ERG28: variants seen among roughly 807,000 people sequenced by gnomAD.
The protein encoded by ERG28 is ergosterol biosynthesis 28 homolog, also known as ergosterol biosynthetic protein 28 homolog.
Under a neutral mutation model 15.7 loss-of-function variants are expected in ERG28, and 9 were observed. That is an observed-to-expected ratio of 0.57 (90% CI 0.35 to 1.00). The LOEUF (loss-of-function observed/expected upper bound fraction) is 1.00, where lower values mean the gene tolerates loss of function less well. Ranked by LOEUF, ERG28 falls within the 50% of genes least tolerant of loss-of-function variation. ERG28 has a pLI of 0.02. For missense variants in ERG28, 117 were observed against 173.3 expected (o/e 0.68, Z 1.82); for synonymous variants, 61 against 68.4 (o/e 0.89, Z 0.53).
At chr14:75,652,817 C>CTTTTTTTTTTTTT (rs59570063) in intron 3 of ERG28, among the ~76,000 whole-genome samples, 3 of 96,210 alleles carry the variant, frequency 3.1e-5, no homozygotes, top group Admixed American at 1.3e-4. Flanking sequence ...ATTTTTACAC[C>CTTTTTTTTTTTTT]TTTTTTTTTT....
At chr14:75,656,424 T>C (rs1406075617) in intron 2 of ERG28, among the ~76,000 whole-genome samples, 2 of 152,088 alleles carry the variant, frequency 1.3e-5, no homozygotes, top group Non-Finnish European at 2.9e-5. Context: ...CCTCTAAAAA[T>C]GTGTGAATCT....
chr14:75,654,253 T>C (rs533228361), intron 3 of ERG28, among the ~76,000 whole-genome samples: 1 of 152,352 alleles, frequency 6.6e-6, no homozygotes, highest in South Asian at 2.1e-4. Flanking sequence ...CCTCCCTCGG[T>C]GACCTGAACA....
At chr14:75,658,398 G>C (rs747821125) in intron 1 of ERG28, among the ~76,000 whole-genome samples, 26 of 151,974 alleles carry the variant, frequency 1.7e-4, no homozygotes, top group Non-Finnish European at 3.4e-4. Context: ...CTTGAGATAA[G>C]CAATATTAAA....
intron 3 of ERG28, among the ~76,000 whole-genome samples, chr14:75,654,333 G>A (rs1594822870): frequency 6.6e-6 from 1 of 152,204 alleles, no homozygotes; most frequent in Admixed American, 6.5e-5. Context: ...CTAGTGGCCA[G>A]CACTGGTTAT....
chr14:75,660,596 GCCTTCTCCATCTTC>G (rs1295799953), intron 1 of ERG28, among the ~76,000 whole-genome samples, 165 bp downstream of exon 1: 1 of 152,110 alleles, frequency 6.6e-6, no homozygotes. Flanking sequence ...AATTCACCAA[GCCTTCTCCATCTTC>G]CTAGCTCCCC....
chr14:75,657,047 A>C (rs1890608618), intron 2 of ERG28, among the ~76,000 whole-genome samples: 1 of 149,562 alleles, frequency 6.7e-6, no homozygotes, highest in African/African-American at 2.5e-5. Context: ...TAAATACATG[A>C]ATTGCCCAGG....
At chr14:75,652,820 T>G (rs1890545570) in intron 3 of ERG28, among the ~76,000 whole-genome samples, 1 of 136,502 alleles carries the variant, frequency 7.3e-6, no homozygotes, top group Non-Finnish European at 1.6e-5. Flanking sequence ...TTTACACCTT[T>G]TTTTTTTTTT....
rs1890519566 is a variant in ERG28 at position 75,651,148 on chromosome 14, C to G, written c.*407G>C. 1 of 166,120 alleles carries G rather than the reference C, an allele frequency of 6.0e-6. No individual in the cohort carries two copies. Among genetic ancestry groups the G allele is most frequent in the Non-Finnish European group, 1.3e-5 (1 of 75,176 alleles). The allele number at this position is 166,120 out of a possible 1,614,324, so 10.3% of individuals were successfully genotyped here. A position where few individuals can be genotyped will look rare whatever the true frequency, so the allele number is the denominator to read the frequency against. ...CCCTTGAGGCAGCCCTTGGTCACAG[C>G]TGCTCTGGGTGGGCAGCAGGTTTAA... On this transcript the variant is annotated 3_prime_UTR_variant, in exon 5 of 5. Transcript: ENST00000256319.
chr14:75,652,333 C>T (rs909109196), intron 3 of ERG28, among the ~76,000 whole-genome samples: 3 of 152,196 alleles, frequency 2.0e-5, no homozygotes, highest in East Asian at 1.9e-4. Flanking sequence ...ACAGAACGAA[C>T]GGCCTCATGG....
At position 75,659,978 on chromosome 14, in the gene ERG28, GA is replaced by G. The variant is rs548663301; in HGVS notation, c.-32+796del. Reference sequence around the variant, plus strand: ...CTGGATCACAAAGGTGGTCTCTGTCGAAGATCAGAGAGACTGAGGGTCTACT... The same window carrying G: ...CTGGATCACAAAGGTGGTCTCTGTCGAGATCAGAGAGACTGAGGGTCTACT... On this transcript the variant is annotated intron_variant, in intron 1 of 4. Coordinates refer to ENST00000256319, the MANE Select transcript of ERG28 (RefSeq NM_007176.4). 1.1e-3 allele frequency among the ~76,000 whole-genome samples: 169 copies of G among 151,878 alleles called. 1 individual carries two copies. The highest frequency in any genetic ancestry group is 4.0e-3 in the African/African-American group (165 of 41,412).
chr14:75,657,631 T>C, intron 1 of ERG28, 98 bp from the exon 2 acceptor site: 1 of 1,103,028 alleles, frequency 9.1e-7, no homozygotes, highest in East Asian at 2.4e-5. Context: ...AAAAAAGAAA[T>C]TCAGTCACAC....
intron 2 of ERG28, among the ~76,000 whole-genome samples, chr14:75,656,832 G>A (rs1462892013): frequency 6.6e-6 from 1 of 152,152 alleles, no homozygotes; most frequent in Non-Finnish European, 1.5e-5. Context: ...CAGGGACTAT[G>A]TCACGGAAGA....
intron 2 of ERG28, among the ~76,000 whole-genome samples, chr14:75,656,595 C>T (rs888152899): frequency 2.0e-5 from 3 of 152,138 alleles, no homozygotes; most frequent in Non-Finnish European, 2.9e-5. Flanking sequence ...TGCAGAAAAA[C>T]GAGCTAGGTC....
At position 75,651,504 on chromosome 14, in the gene ERG28, A is replaced by G. The variant is rs1248652526; in HGVS notation, c.*51T>C. On this transcript the variant is annotated 3_prime_UTR_variant, in exon 5 of 5. Coordinates refer to ENST00000256319, the MANE Select transcript of ERG28 (RefSeq NM_007176.4). ...TAAAGAGGAGAGACGACGAAGGAAG[A>G]AGATGGCCAAGGTGGAAAACGAGAA... 4 of 1,522,104 alleles carry G rather than the reference A, an allele frequency of 2.6e-6. No individual in the cohort carries two copies. In the African/African-American group the frequency reaches 4.1e-5, roughly 16 times the overall value. 94.3% of individuals were successfully genotyped at this position (1,522,104 alleles called of 1,614,324 possible).
chr14:75,656,193 C>T (rs1027215648), intron 2 of ERG28, among the ~76,000 whole-genome samples: 1 of 151,842 alleles, frequency 6.6e-6, no homozygotes, highest in Non-Finnish European at 1.5e-5. Flanking sequence ...CTGTGGGACA[C>T]TTTAGAGCAC....
chr14:75,651,670 A>G (rs1209155716), intron 4 of ERG28, 36 bp from the exon 5 acceptor site: 2 of 1,600,330 alleles, frequency 1.2e-6, no homozygotes, highest in African/African-American at 2.7e-5. Flanking sequence ...ACTAACATAC[A>G]TACGGTACCT....
chr14:75,659,729 C>T (rs1399213506), intron 1 of ERG28, among the ~76,000 whole-genome samples: 1 of 152,132 alleles, frequency 6.6e-6, no homozygotes, highest in East Asian at 1.9e-4. Flanking sequence ...GTCAGGTTAA[C>T]CTCTTGGGCC....
chr14:75,654,979 G>GT lies in ERG28; in HGVS notation c.134-4dup. 6.2e-7 allele frequency: 1 copy of GT among 1,613,332 alleles called. No individual in the cohort carries two copies. The highest frequency in any genetic ancestry group is 1.1e-5 in the South Asian group (1 of 91,072). On this transcript the variant is annotated splice_polypyrimidine_tract_variant and splice_region_variant and intron_variant, in intron 2 of 4. Coordinates refer to ENST00000256319, the MANE Select transcript of ERG28 (RefSeq NM_007176.4). ...GGTCCGAGCTTGGAGGCCATTCACT[G>GT]TGTAGCAGAAAAAAGCAAGAGTGTT...
chr14:75,652,191 G>A (rs1245039797), intron 3 of ERG28, among the ~76,000 whole-genome samples: 1 of 152,202 alleles, frequency 6.6e-6, no homozygotes, highest in Admixed American at 6.5e-5. Context: ...GATGACAATC[G>A]CAGGCAGTGT....
Sources: gnomAD v4.1 joint callset for allele counts (sites outside exome capture counted in the v4.1 genomes callset) on GRCh38, gnomAD v4.1.1 for gene constraint, MANE v1.5 for transcripts, NCBI Gene and HGNC (gene_info 2026-07-23, HGNC 2026-07-21) for gene names.